The following LRBA variants were observed in gnomAD, a reference collection of about 807,000 sequenced individuals.
The protein encoded by LRBA is LPS responsive beige-like anchor protein, also known as lipopolysaccharide-responsive and beige-like anchor protein.
In LRBA, 176 loss-of-function variants were observed where a neutral mutation model predicts 330.0. That is an observed-to-expected ratio of 0.53 (90% CI 0.47 to 0.60). LRBA has a LOEUF of 0.60. Among genes scored for constraint, LRBA ranks in the 20% least tolerant of loss-of-function variants. LRBA has a pLI of 0.00. For missense variants in LRBA, 3,259 were observed against 3,444.8 expected (o/e 0.95, Z 1.35); for synonymous variants, 1,230 against 1,193.0 (o/e 1.03, Z -0.64).
intron 36 of LRBA, among the ~76,000 whole-genome samples, chr4:150,693,556 T>A: frequency 4.0e-5 from 2 of 49,804 alleles, no homozygotes. Context: ...AGAGCGAGAC[T>A]CCGTCTCAAA....
chr4:150,898,279 A>G (rs1175795019), intron 14 of LRBA, among the ~76,000 whole-genome samples: 2 of 152,152 alleles, frequency 1.3e-5, no homozygotes, highest in Non-Finnish European at 2.9e-5. Flanking sequence ...AAGCTAATAC[A>G]GAAATCTCAA....
chr4:150,821,827 GGGAAT>G (rs1484062438), intron 30 of LRBA, among the ~76,000 whole-genome samples: 4 of 152,140 alleles, frequency 2.6e-5, no homozygotes, highest in Non-Finnish European at 5.9e-5. Flanking sequence ...ATTTTGGCAT[GGGAAT>G]GAACACAAAC....
In LRBA at chr4:150,962,435, T is replaced by A. The variant is rs536350279; in HGVS notation, c.217-33370A>T. On this transcript the variant is annotated intron_variant, in intron 2 of 56. Transcript: ENST00000651943. The stretch of plus-strand genomic sequence containing the variant: ...CAGGCAGCTGAGGTGGAAGGATCAC[T>A]TGAGCCCGGGAAGTCCCAGCTACAG... Among the ~76,000 whole-genome samples, 2 of 149,360 alleles carry A rather than the reference T, an allele frequency of 1.3e-5. 1 individual carries two copies. Among genetic ancestry groups the A allele is most frequent in the African/African-American group, 5.2e-5 (2 of 38,738 alleles).
chr4:150,275,444 GAGAA>G (rs1205086261), intron 56 of LRBA, among the ~76,000 whole-genome samples: 6 of 152,306 alleles, frequency 3.9e-5, no homozygotes, highest in South Asian at 2.1e-4. Flanking sequence ...AATCAGGCAA[GAGAA>G]AGAAAGAAAG....
chr4:150,504,400 A>G (rs1460528315), intron 40 of LRBA, among the ~76,000 whole-genome samples: 3 of 152,258 alleles, frequency 2.0e-5, no homozygotes, highest in South Asian at 4.1e-4. Context: ...ATCTTTCAGC[A>G]GAAACTCTAC....
At chr4:150,765,326 G>A (rs1197221429) in intron 34 of LRBA, among the ~76,000 whole-genome samples, 1 of 152,052 alleles carries the variant, frequency 6.6e-6, no homozygotes, top group Non-Finnish European at 1.5e-5. Context: ...AAACTATAAT[G>A]ATGAAGACAC....
intron 40 of LRBA, among the ~76,000 whole-genome samples, chr4:150,493,511 T>C (rs1156430474): frequency 6.6e-6 from 1 of 152,214 alleles, no homozygotes; most frequent in African/African-American, 2.4e-5. Context: ...TTCACATGGT[T>C]GAAAATAGTT....
chr4:150,761,376 T>C (rs994843274), intron 35 of LRBA, among the ~76,000 whole-genome samples: 3 of 152,020 alleles, frequency 2.0e-5, no homozygotes, highest in African/African-American at 7.2e-5. Context: ...CCACATCACA[T>C]TGCGAAACTT....
At chr4:150,844,042 G>T in intron 28 of LRBA, 58 bp downstream of exon 28, 1 of 1,029,668 alleles carries the variant, frequency 9.7e-7, no homozygotes, top group Non-Finnish European at 1.5e-6. Context: ...AATACATTAG[G>T]CCTAAGAGGA....
intron 40 of LRBA, among the ~76,000 whole-genome samples, chr4:150,531,310 AAAC>A (rs1420020003): frequency 6.6e-6 from 1 of 152,178 alleles, no homozygotes; most frequent in African/African-American, 2.4e-5. Flanking sequence ...GATTTTCCAG[AAAC>A]ACCATGTTTC....
intron 47 of LRBA, among the ~76,000 whole-genome samples, chr4:150,408,286 T>C (rs570189500): frequency 2.6e-5 from 4 of 152,062 alleles, no homozygotes; most frequent in African/African-American, 9.6e-5. Context: ...AATAAATTAG[T>C]TAAATGGACA....
At chr4:150,785,344 G>C (rs557099137) in intron 34 of LRBA, among the ~76,000 whole-genome samples, 1 of 152,278 alleles carries the variant, frequency 6.6e-6, no homozygotes, top group South Asian at 2.1e-4. Context: ...TGTTATTTTC[G>C]AGAGTATTTG....
At chr4:150,887,383 T>C (rs948736460) in intron 17 of LRBA, among the ~76,000 whole-genome samples, 2 of 152,186 alleles carry the variant, frequency 1.3e-5, no homozygotes, top group Non-Finnish European at 2.9e-5. Flanking sequence ...TGCCTGACTC[T>C]ATCAGAAGAT....
chr4:150,759,962 G>GT (rs1734852389), intron 35 of LRBA, among the ~76,000 whole-genome samples: 1 of 152,058 alleles, frequency 6.6e-6, no homozygotes, highest in Non-Finnish European at 1.5e-5. Flanking sequence ...AATAAGGGTA[G>GT]TTACACTTAG....
At position 150,928,824 on chromosome 4, in the gene LRBA, A is replaced by C; in HGVS notation, c.448+10T>G. On this transcript the variant is annotated intron_variant, in intron 3 of 56. Coordinates refer to ENST00000651943, the MANE Select transcript of LRBA (RefSeq NM_001364905.1). ...TCTTTGCATATATTGTACTATAGAA[A>C]AAATCATACCTGCTATCATATTGTC... The C allele has an allele frequency of 6.2e-7, 1 of 1,603,034 alleles. No homozygotes were observed. The highest frequency in any genetic ancestry group is 8.5e-7 in the Non-Finnish European group (1 of 1,170,694).
chr4:150,456,987 TG>T (rs1019353341), intron 44 of LRBA, among the ~76,000 whole-genome samples: 2 of 152,134 alleles, frequency 1.3e-5, no homozygotes, highest in Non-Finnish European at 1.5e-5. Flanking sequence ...TGTAGGTATG[TG>T]GATTTGTAAA....
chr4:150,503,677 C>G (rs1221141500), intron 40 of LRBA, among the ~76,000 whole-genome samples: 1 of 152,144 alleles, frequency 6.6e-6, no homozygotes, highest in African/African-American at 2.4e-5. Context: ...TCTAAAAAAT[C>G]AGAGCACCTC....
In LRBA at chr4:151,014,717, A is replaced by C; in HGVS notation, c.-75T>G. 3.2e-6 allele frequency: 3 copies of C among 951,042 alleles called. No individual in the cohort carries two copies. Among genetic ancestry groups the C allele is most frequent in the Admixed American group, 5.3e-5 (2 of 37,482 alleles). The allele number at this position is 951,042 out of a possible 1,614,324, so 58.9% of individuals were successfully genotyped here. A position where few individuals can be genotyped will look rare whatever the true frequency, so the allele number is the denominator to read the frequency against. On this transcript the variant is annotated 5_prime_UTR_variant, in exon 2 of 57. Coordinates refer to ENST00000651943, the MANE Select transcript of LRBA (RefSeq NM_001364905.1). ...GCTGCACTGGTAATGAGCACAACAC[A>C]CGCAATGCAAAACGAAAGGGTCCCT... is the stretch of plus-strand genomic sequence containing the variant.
chr4:150,445,367 CTCTCTCTCTCTATATATA>C (rs930161413), intron 44 of LRBA, among the ~76,000 whole-genome samples: 3 of 83,584 alleles, frequency 3.6e-5, no homozygotes, highest in African/African-American at 9.1e-5. Flanking sequence ...CTCTCTCTCT[CTCTCTCTCTCTATATATA>C]TATATATATA....
Sources: gnomAD v4.1 joint callset for allele counts (sites outside exome capture counted in the v4.1 genomes callset) on GRCh38, gnomAD v4.1.1 for gene constraint, MANE v1.5 for transcripts, NCBI Gene and HGNC (gene_info 2026-07-23, HGNC 2026-07-21) for gene names.